Variants in ZFYVE28 observed in about 807,000 individuals in gnomAD.
ZFYVE28 encodes lateral signaling target protein 2 homolog.
A neutral mutation model predicts 82.1 loss-of-function variants in ZFYVE28; 40 were observed. The ratio of observed to expected loss-of-function variants is 0.49; its 90% confidence interval spans 0.38 to 0.63. The LOEUF is 0.63. Among genes scored for constraint, ZFYVE28 ranks in the 30% least tolerant of loss-of-function variants. The pLI, the probability that ZFYVE28 is intolerant of heterozygous loss-of-function variation, is 0.00. For missense variants in ZFYVE28, 1,321 were observed against 1,242.1 expected (o/e 1.06, Z -0.96); for synonymous variants, 612 against 546.1 (o/e 1.12, Z -1.68).
At chr4:2,345,591 A>T (rs1233474606) in intron 2 of ZFYVE28, among the ~76,000 whole-genome samples, 1 of 151,980 alleles carries the variant, frequency 6.6e-6, no homozygotes, top group Non-Finnish European at 1.5e-5. Context: ...ATGTAATTCA[A>T]GTCCCAAAAC....
chr4:2,406,062 A>AAAAAAGAAAG (rs1553867781), intron 1 of ZFYVE28, among the ~76,000 whole-genome samples: 23 of 125,070 alleles, frequency 1.8e-4, no homozygotes, highest in African/African-American at 6.6e-4. Context: ...AAAAAAAAAA[A>AAAAAAGAAAG]AAAGAAAGAA....
chr4:2,321,782 C>T (rs1006630117), intron 6 of ZFYVE28, among the ~76,000 whole-genome samples: 1 of 152,094 alleles, frequency 6.6e-6, no homozygotes, highest in East Asian at 1.9e-4. Context: ...GACTCAGTCC[C>T]GCAATGACCT....
chr4:2,338,612 A>G (rs952908836), intron 4 of ZFYVE28, among the ~76,000 whole-genome samples: 2 of 152,182 alleles, frequency 1.3e-5, no homozygotes, highest in Admixed American at 6.5e-5. Flanking sequence ...ATAAATAAAT[A>G]AATAAATCAC....
chr4:2,392,491 C>T (rs908754336), intron 1 of ZFYVE28, among the ~76,000 whole-genome samples: 3 of 152,176 alleles, frequency 2.0e-5, no homozygotes, highest in Admixed American at 6.5e-5. Flanking sequence ...CTTTCATCCA[C>T]GCTTAGCATG....
At chr4:2,404,697 TA>T (rs1731639474) in intron 1 of ZFYVE28, among the ~76,000 whole-genome samples, 1 of 152,116 alleles carries the variant, frequency 6.6e-6, no homozygotes, top group South Asian at 2.1e-4. Context: ...GAAGAGTGAC[TA>T]CATAATAGAA....
chr4:2,335,735 A>G lies in ZFYVE28; in HGVS notation c.671T>C (p.Met224Thr). ...GATGGCCAGCCTGGGGATGCTGAAC[A>G]TGAGGGCCGGCTCGTAGTCATCAAT... The part of the protein sequence containing the change: ...DMIDDYEPAL[M>T]FSIPRLAIVC... Residue 224 changes from methionine to threonine, a missense_variant, in exon 6 of 13, where the codon ATG becomes ACG. By Grantham distance (81) the Met-to-Thr change is moderately conservative. This residue lies in a region of ZFYVE28 where 343 missense variants were observed against 408.4 expected (regional missense o/e 0.84). Coordinates refer to ENST00000290974, the MANE Select transcript of ZFYVE28 (RefSeq NM_020972.3). This position sits in a 1 kb window ranked among gnomAD's most constrained non-coding sequence, Gnocchi z 5.8. 1 of 1,577,494 alleles carries G rather than the reference A, an allele frequency of 6.3e-7. No individual in the cohort carries two copies. The highest frequency in any genetic ancestry group is 1.2e-5 in the South Asian group (1 of 85,822).
At chr4:2,330,364 C>G in intron 6 of ZFYVE28, 1 of 999,530 alleles carries the variant, frequency 1.0e-6, no homozygotes, top group Non-Finnish European at 1.2e-6. Context: ...GTGGGGACAT[C>G]GCAGAGGGAG....
chr4:2,270,761 A>G lies in ZFYVE28; in HGVS notation c.2628T>C (p.His876=), dbSNP rs1735833168. 1 of 1,613,228 alleles carries G rather than the reference A, an allele frequency of 6.2e-7. No individual in the cohort carries two copies. The highest frequency in any genetic ancestry group is 8.5e-7 in the Non-Finnish European group (1 of 1,179,918). Residue 876 remains histidine (H), a synonymous_variant, in exon 13 of 13, where the codon CAT becomes CAC. Transcript: ENST00000290974. ...CCTTGTCGCTGTAGAAGGGCGTGAC[A>G]TGGAACATGTAGCAGTGGGTGCACA... ...VRVCTHCYMF[H]VTPFYSDKAG...
chr4:2,357,829 C>A (rs961894664), intron 1 of ZFYVE28, among the ~76,000 whole-genome samples: 85 of 152,182 alleles, frequency 5.6e-4, no homozygotes, highest in Non-Finnish European at 1.2e-3. Flanking sequence ...CACGCAGAGA[C>A]CCCCAGAAAG....
In ZFYVE28 at chr4:2,304,578, C is replaced by T. The variant is rs750194232; in HGVS notation, c.1762G>A (p.Gly588Arg). ...VERLREKCSP[G>R]GVIGASYAAG... ...GCGTACGAGGCACCAATGACGCCTC[C>T]CGGGCTGCACTTCTCCCGCAGACGC... is the stretch of plus-strand genomic sequence containing the variant. The change falls in exon 8 of 13, where the codon GGA (glycine) becomes AGA (arginine). Residue 588 changes from glycine to arginine, a missense_variant. By Grantham distance (125) the Gly-to-Arg change is moderately radical. Coordinates refer to ENST00000290974, the MANE Select transcript of ZFYVE28 (RefSeq NM_020972.3). 35 of 1,612,388 alleles carry T rather than the reference C, an allele frequency of 2.2e-5. No homozygotes were observed. The Middle Eastern group carries it at 8.2e-4, about 38-fold the overall frequency.
At chr4:2,405,130 C>T (rs886547391) in intron 1 of ZFYVE28, among the ~76,000 whole-genome samples, 1 of 152,234 alleles carries the variant, frequency 6.6e-6, no homozygotes, top group African/African-American at 2.4e-5. Context: ...AAAGGCATAT[C>T]CTTGGATAGT....
At chr4:2,355,215 T>C (rs1425399321) in intron 1 of ZFYVE28, among the ~76,000 whole-genome samples, 2 of 1,544 alleles carry the variant, frequency 1.3e-3, no homozygotes, top group African/African-American at 9.2e-3. Context: ...TATATATATA[T>C]ATATATATAT....
At chr4:2,353,413 T>C (rs1462569651) in intron 2 of ZFYVE28, among the ~76,000 whole-genome samples, 1 of 152,222 alleles carries the variant, frequency 6.6e-6, no homozygotes. Flanking sequence ...CCCCTCGTCA[T>C]CACTTGATAA....
rs79212264 is a variant in ZFYVE28 at position 2,358,745 on chromosome 4, A to G, written c.40-4672T>C. Among the ~76,000 whole-genome samples the G allele has an allele frequency of 2.5e-3, 383 of 152,268 alleles. 8 individuals carry two copies. In the East Asian group the frequency reaches 0.059, roughly 23 times the overall value. On this transcript the variant is annotated intron_variant, in intron 1 of 12. Transcript: ENST00000290974. ...CACACCCCCCAAATTCAAACATTGAAGTCCTAACCCCCAGGACTCAGAATG... is the reference window on the plus strand; with the variant it reads ...CACACCCCCCAAATTCAAACATTGAGGTCCTAACCCCCAGGACTCAGAATG...
intron 1 of ZFYVE28, among the ~76,000 whole-genome samples, chr4:2,388,071 T>A (rs1729461974): frequency 6.6e-6 from 1 of 152,186 alleles, no homozygotes; most frequent in Non-Finnish European, 1.5e-5. Context: ...ACTGAGCAGA[T>A]AATGAGCTCC....
intron 1 of ZFYVE28, among the ~76,000 whole-genome samples, chr4:2,395,763 C>A (rs531506406): frequency 2.6e-5 from 4 of 152,190 alleles, no homozygotes; most frequent in African/African-American, 4.8e-5. Context: ...CCTTTGACCG[C>A]GGTGCTACCA....
chr4:2,331,517 AC>A (rs1323561097), intron 6 of ZFYVE28, among the ~76,000 whole-genome samples: 2 of 152,126 alleles, frequency 1.3e-5, no homozygotes, highest in Non-Finnish European at 2.9e-5. Context: ...AAAGTTAAAA[AC>A]AAAAAAAAGA....
chr4:2,365,284 G>GGCGTGAGGAGGGGCCGCGC (rs1726743583), intron 1 of ZFYVE28, among the ~76,000 whole-genome samples: 1 of 152,090 alleles, frequency 6.6e-6, no homozygotes, highest in Non-Finnish European at 1.5e-5. Context: ...AGGGGACAAG[G>GGCGTGAGGAGGGGCCGCGC]GCGTGAGGAG....
rs1718613776 is a variant in ZFYVE28 at position 2,318,766 on chromosome 4, G to A, written c.803+1404C>T. Among the ~76,000 whole-genome samples the A allele has an allele frequency of 4.6e-5, 7 of 152,308 alleles. No homozygotes were observed. In the South Asian group the frequency reaches 1.4e-3, roughly 32 times the overall value. On this transcript the variant is annotated intron_variant, in intron 7 of 12. Coordinates refer to ENST00000290974, the MANE Select transcript of ZFYVE28 (RefSeq NM_020972.3). ...CCACCCACACAGCTTTCTGCAAGGT[G>A]AGGTGACTCATACCTGTAATCCCAA...
Sources: allele counts gnomAD v4.1 joint callset (sites outside exome capture counted in the v4.1 genomes callset), GRCh38; gene constraint gnomAD v4.1.1; regional missense constraint gnomAD v4.1.1; non-coding constraint Gnocchi (gnomAD v3.1); transcripts MANE v1.5; gene names NCBI Gene and HGNC (gene_info 2026-07-23, HGNC 2026-07-21).